SLC25A13: variants seen among roughly 807,000 people sequenced by gnomAD.
SLC25A13 encodes solute carrier family 25 member 13, also known as electrogenic aspartate/glutamate antiporter SLC25A13, mitochondrial.
SLC25A13 carries 70 observed loss-of-function variants against 85.5 expected under a neutral mutation model. The ratio of observed to expected loss-of-function variants is 0.82; its 90% CI spans 0.68 to 1.00. The LOEUF is 1.00. Among genes scored for constraint, SLC25A13 ranks in the 50% least tolerant of loss-of-function variants. SLC25A13 has a pLI of 0.00. For missense variants in SLC25A13, 765 were observed against 819.8 expected (o/e 0.93, Z 0.82); for synonymous variants, 259 against 288.7 (o/e 0.90, Z 1.04).
intron 4 of SLC25A13, among the ~76,000 whole-genome samples, chr7:96,224,671 C>T (rs753397461): frequency 2.0e-5 from 3 of 152,210 alleles, no homozygotes; most frequent in Non-Finnish European, 1.5e-5. Flanking sequence ...TAACTCTAAG[C>T]CAGGTACGTT....
intron 14 of SLC25A13, among the ~76,000 whole-genome samples, chr7:96,139,436 A>G (rs1333459867): frequency 6.6e-6 from 1 of 152,010 alleles, no homozygotes; most frequent in Non-Finnish European, 1.5e-5. Flanking sequence ...TTAAGCAGAG[A>G]TTATGGACAT....
rs182455374 is a variant in SLC25A13, at chr7:96,312,234, C to T, written c.15+9708G>A. ...TGATCTTGGGCAAGTTATGTAATCT[C>T]TCTGTACCTCAAAGAACTTAACTAC... On this transcript the variant is annotated intron_variant, in intron 1 of 17. Transcript: ENST00000265631. Among the ~76,000 whole-genome samples, 830 of 152,234 alleles carry T rather than the reference C, an allele frequency of 5.5e-3. 10 individuals are homozygous for T. Among genetic ancestry groups the T allele is most frequent in the African/African-American group, 0.019 (800 of 41,530 alleles).
At chr7:96,219,055 G>A (rs1254617407) in intron 4 of SLC25A13, among the ~76,000 whole-genome samples, 1 of 152,084 alleles carries the variant, frequency 6.6e-6, no homozygotes, top group Non-Finnish European at 1.5e-5. Flanking sequence ...CAATATCAAG[G>A]TTGCCATTTC....
Position 96,281,718 on chromosome 7 carries a change from T to C in SLC25A13, c.70-4380A>G, listed in dbSNP as rs780419202. Among the ~76,000 whole-genome samples the C allele has an allele frequency of 9.0e-4, 137 of 152,214 alleles. 1 individual carries two copies. The highest frequency in any genetic ancestry group is 3.3e-3 in the Admixed American group (51 of 15,282). On this transcript the variant is annotated intron_variant, in intron 2 of 17. Coordinates refer to ENST00000265631, the MANE Select transcript of SLC25A13 (RefSeq NM_014251.3). ...ATTTATATTTCAACAGTTTACATTT[T>C]AGAAGTCTTTGAGAGATATTATCAG... is the stretch of plus-strand genomic sequence containing the variant.
At chr7:96,319,096 T>C (rs1009610087) in intron 1 of SLC25A13, among the ~76,000 whole-genome samples, 1 of 152,214 alleles carries the variant, frequency 6.6e-6, no homozygotes, top group Non-Finnish European at 1.5e-5. Flanking sequence ...TGGAATAAGT[T>C]AGACCAGCAG....
intron 1 of SLC25A13, among the ~76,000 whole-genome samples, chr7:96,301,468 T>C (rs963293352): frequency 1.3e-5 from 2 of 152,174 alleles, no homozygotes; most frequent in Non-Finnish European, 2.9e-5. Flanking sequence ...TTAAATCAAG[T>C]AACTGGTTTT....
At chr7:96,135,649 T>C (rs571417419) in intron 14 of SLC25A13, among the ~76,000 whole-genome samples, 3 of 152,344 alleles carry the variant, frequency 2.0e-5, no homozygotes, top group Admixed American at 2.0e-4. Context: ...ACTTGTTCCA[T>C]GTATAATTTT....
At chr7:96,144,144 T>C (rs1792680699) in intron 14 of SLC25A13, among the ~76,000 whole-genome samples, 1 of 152,174 alleles carries the variant, frequency 6.6e-6, no homozygotes, top group Non-Finnish European at 1.5e-5. Context: ...GATCTTAACC[T>C]GCTGTGATGT....
chr7:96,141,373 C>T (rs1208575989), intron 14 of SLC25A13, among the ~76,000 whole-genome samples: 2 of 152,132 alleles, frequency 1.3e-5, no homozygotes, highest in Non-Finnish European at 2.9e-5. Flanking sequence ...ATACTGTGAG[C>T]AGGGACTTGG....
chr7:96,239,040 TATATA>T (rs1562869014), intron 3 of SLC25A13, among the ~76,000 whole-genome samples: 103 of 3,656 alleles, frequency 0.028, no homozygotes, highest in East Asian at 0.13. Context: ...ATATATTTTA[TATATA>T]TATATATATA....
At chr7:96,277,071 A>G in intron 3 of SLC25A13, 125 bp downstream of exon 3, 1 of 855,550 alleles carries the variant, frequency 1.2e-6, no homozygotes, top group East Asian at 2.7e-5. Context: ...TAATAATAGT[A>G]GTAAGTACAG....
intron 1 of SLC25A13, among the ~76,000 whole-genome samples, chr7:96,298,132 A>G (rs912825291): frequency 6.6e-6 from 1 of 152,190 alleles, no homozygotes; most frequent in Admixed American, 6.5e-5. Context: ...GAACCACCCA[A>G]CACTGGACCC....
intron 11 of SLC25A13, among the ~76,000 whole-genome samples, chr7:96,183,895 G>A (rs188516207): frequency 2.6e-5 from 4 of 152,288 alleles, no homozygotes; most frequent in African/African-American, 9.6e-5. Context: ...TTTTTGTGGT[G>A]TATTCCAGGA....
chr7:96,273,085 T>G (rs7779963), intron 3 of SLC25A13, among the ~76,000 whole-genome samples: 84,168 of 151,944 alleles, frequency 0.55, 25,258 homozygotes, highest in Non-Finnish European at 0.67. Context: ...ACACGATCCC[T>G]CCTGAGGAGA....
chr7:96,283,005 T>C (rs889080620), intron 2 of SLC25A13, among the ~76,000 whole-genome samples: 3 of 152,188 alleles, frequency 2.0e-5, no homozygotes, highest in African/African-American at 7.2e-5. Context: ...CACTTCCGTG[T>C]TCCCACCCAA....
Position 96,300,293 on chromosome 7 carries a change from G to T in SLC25A13, c.16-3342C>A, listed in dbSNP as rs867129206. Among the ~76,000 whole-genome samples, 8 of 152,134 alleles carry T rather than the reference G, an allele frequency of 5.3e-5. No individual in the cohort carries two copies. The Middle Eastern group carries it at 0.01, about 194-fold the overall frequency. ...TAGTGTCAGATCATCCTCAAATAGG[G>T]AGCAGGACCAACCTCATAAACTCAC... On this transcript the variant is annotated intron_variant, in intron 1 of 17. Coordinates refer to ENST00000265631, the MANE Select transcript of SLC25A13 (RefSeq NM_014251.3).
At chr7:96,177,621 A>G (rs757058809) in intron 11 of SLC25A13, among the ~76,000 whole-genome samples, 1 of 152,224 alleles carries the variant, frequency 6.6e-6, no homozygotes, top group Admixed American at 6.5e-5. Context: ...GTGAAGATGA[A>G]ATGAGTTAAC....
chr7:96,301,766 C>T (rs1799557065), intron 1 of SLC25A13, among the ~76,000 whole-genome samples: 1 of 151,848 alleles, frequency 6.6e-6, no homozygotes, highest in Admixed American at 6.6e-5. Context: ...GTAGCTGAGG[C>T]TAAATGCATG....
At chr7:96,244,739 T>TA (rs1208098228) in intron 3 of SLC25A13, among the ~76,000 whole-genome samples, 1 of 152,206 alleles carries the variant, frequency 6.6e-6, no homozygotes, top group Non-Finnish European at 1.5e-5. Context: ...TACTATGTAC[T>TA]CTGGTTCAAA....
Sources: gnomAD v4.1 joint callset for allele counts (sites outside exome capture counted in the v4.1 genomes callset) on GRCh38, gnomAD v4.1.1 for gene constraint, MANE v1.5 for transcripts, NCBI Gene and HGNC (gene_info 2026-07-23, HGNC 2026-07-21) for gene names.